Variants in SHANK1 observed in about 807,000 individuals in gnomAD.
SHANK1 encodes SH3 and multiple ankyrin repeat domains protein 1.
SHANK1 carries 35 observed loss-of-function variants against 165.6 expected under a neutral mutation model. That is an observed-to-expected ratio of 0.21 (90% CI 0.16 to 0.28). The LOEUF (loss-of-function observed/expected upper bound fraction) is 0.28. Ranked by LOEUF, SHANK1 falls within the 10% of genes least tolerant of loss-of-function variation. SHANK1 has a pLI of 1.00. For synonymous variants in SHANK1, 1,428 were observed against 1,384.8 expected (o/e 1.03, Z -0.69); for missense variants, 2,681 against 3,036.4 (o/e 0.88, Z 2.75).
Position 50,668,527 on chromosome 19 carries a change from C to T in SHANK1, c.3433G>A (p.Ala1145Thr), listed in dbSNP as rs753435291. 7.4e-7 allele frequency: 1 copy of T among 1,352,708 alleles called. No homozygotes were observed. Among genetic ancestry groups the T allele is most frequent in the Admixed American group, 3.1e-5 (1 of 32,382 alleles). 83.8% of individuals were successfully genotyped at this position (1,352,708 alleles called of 1,614,324 possible). A position where few individuals can be genotyped will look rare whatever the true frequency, so the allele number is the denominator to read the frequency against. Reference protein sequence around the residue: ...PASPQPPPAVAAPSEKNSIPI... With the variant: ...PASPQPPPAVTAPSEKNSIPI... ...ATGGAGTTCTTCTCCGAGGGCGCGG[C>T]CACGGCGGGCGGCGGCTGCGGGGAG... is the stretch of plus-strand genomic sequence containing the variant. The change falls in exon 23 of 24, where the codon GCC becomes ACC. Residue 1145 changes from alanine to threonine, a missense_variant. This residue lies in a region of SHANK1 where 1,713 missense variants were observed against 1,630.2 expected (regional missense o/e 1.05). Coordinates refer to ENST00000293441, the MANE Select transcript of SHANK1 (RefSeq NM_016148.5).
chr19:50,693,194 C>T (rs369357644), intron 15 of SHANK1, among the ~76,000 whole-genome samples: 1 of 150,894 alleles, frequency 6.6e-6, no homozygotes, highest in East Asian at 2.0e-4. Flanking sequence ...GTATTCTCCC[C>T]CTACTGCCCA....
chr19:50,671,180 CTTTTTTTTTTT>C (rs35076465), intron 22 of SHANK1, among the ~76,000 whole-genome samples: 1 of 76,722 alleles, frequency 1.3e-5, no homozygotes, highest in African/African-American at 5.7e-5. Context: ...TTTTTTCACT[CTTTTTTTTTTT>C]TTTTTTTTTT....
intron 21 of SHANK1, 71 bp from the exon 22 acceptor site, chr19:50,672,185 TGGCTTCACTATACG>T: frequency 8.1e-7 from 1 of 1,234,916 alleles, no homozygotes; most frequent in African/African-American, 1.5e-5. Context: ...GAAAGGCTTG[TGGCTTCACTATACG>T]GCTGCCCCCA....
chr19:50,677,683 C>T (rs569282300), intron 21 of SHANK1, among the ~76,000 whole-genome samples: 55 of 152,224 alleles, frequency 3.6e-4, no homozygotes, highest in Non-Finnish European at 6.5e-4. Context: ...ATACAAGACA[C>T]CCTGACAAGA....
chr19:50,680,680 G>C (rs1352654238), intron 21 of SHANK1, among the ~76,000 whole-genome samples: 1 of 140,124 alleles, frequency 7.1e-6, no homozygotes, highest in Non-Finnish European at 1.5e-5. Context: ...CCCCGAGACA[G>C]AATCGCACCC....
Position 50,718,704 on chromosome 19 carries a change from C to T in SHANK1, c.-44+702G>A, listed in dbSNP as rs1162310852. Among the ~76,000 whole-genome samples the T allele has an allele frequency of 2.6e-5, 3 of 113,574 alleles. No homozygotes were observed. The highest frequency in any genetic ancestry group is 6.6e-5 in the African/African-American group (2 of 30,508). The allele number at this position is 113,574 out of a possible 152,430, so 74.5% of individuals were successfully genotyped here. ...AGGGGGCGGCTGGCGTGGCCGAGAG[C>T]GGGGCCGGGGAGAATGAATGGAGGC... On this transcript the variant is annotated intron_variant, in intron 1 of 23. Transcript: ENST00000293441. The surrounding 1 kb of genome is among the most constrained non-coding windows in gnomAD (Gnocchi z 5.1).
rs1268354655 is a variant in SHANK1 at position 50,711,480 on chromosome 19, T to C, written c.968A>G (p.Gln323Arg). ...CTCCAGGTGCTGAGAGTGACCCCGCTGGCAGGCCTGGGCAGGACAGGGAGC... is the reference window on the plus strand; with the variant it reads ...CTCCAGGTGCTGAGAGTGACCCCGCCGGCAGGCCTGGGCAGGACAGGGAGC... ...NGWQEIHQACQRGHSQHLEHL... is the reference protein window; with the variant it reads ...NGWQEIHQACRRGHSQHLEHL... The change falls in exon 8 of 24, where the codon CAG (glutamine) becomes CGG (arginine). Residue 323 changes from glutamine to arginine, a missense_variant. By Grantham distance (43) the Gln-to-Arg change is conservative (BLOSUM62 1). Around this residue, in one of 10 missense-constraint regions of SHANK1, gnomAD observed 189 missense variants for 440.9 expected, o/e 0.43. Coordinates refer to ENST00000293441, the MANE Select transcript of SHANK1 (RefSeq NM_016148.5). 3 of 1,573,058 alleles carry C rather than the reference T, an allele frequency of 1.9e-6. No individual in the cohort carries two copies. The highest frequency in any genetic ancestry group is 2.6e-6 in the Non-Finnish European group (3 of 1,159,682).
intron 15 of SHANK1, among the ~76,000 whole-genome samples, chr19:50,696,680 G>C (rs957620365): frequency 6.6e-6 from 1 of 151,738 alleles, no homozygotes; most frequent in South Asian, 2.1e-4. Context: ...TCAGACAGAC[G>C]CACATGCATG....
chr19:50,704,289 C>A, intron 9 of SHANK1, 103 bp from the exon 10 acceptor site: 1 of 1,340,942 alleles, frequency 7.5e-7, no homozygotes, highest in Non-Finnish European at 1.1e-6. Context: ...CCTTCCACTC[C>A]GACAATGCCG....
At chr19:50,676,025 C>G (rs1208584697) in intron 21 of SHANK1, among the ~76,000 whole-genome samples, 1 of 151,302 alleles carries the variant, frequency 6.6e-6, no homozygotes, top group African/African-American at 2.4e-5. Context: ...AAGGGCTGGC[C>G]AGGCACAGTG....
chr19:50,667,708 G>A lies in SHANK1; in HGVS notation c.4252C>T (p.Arg1418Trp), dbSNP rs1457565686. 6.0e-6 allele frequency: 8 copies of A among 1,340,148 alleles called. No homozygotes were observed. The African/African-American group carries it at 9.3e-5, about 16-fold the overall frequency. 83.0% of individuals were successfully genotyped at this position (1,340,148 alleles called of 1,614,324 possible). ...WGASPPDPAR[R>W]ELGYRAGLGS... ...AGCCCGGCCCTGTACCCCAGCTCCCGGCGCGCAGGGTCCGGCGGGGAGGCC... is the reference window on the plus strand; with the variant it reads ...AGCCCGGCCCTGTACCCCAGCTCCCAGCGCGCAGGGTCCGGCGGGGAGGCC... Residue 1418 changes from arginine (R) to tryptophan (W), a missense_variant, in exon 23 of 24, where the codon CGG (arginine) becomes TGG (tryptophan). Around this residue, in one of 10 missense-constraint regions of SHANK1, gnomAD observed 1,713 missense variants for 1,630.2 expected, o/e 1.05. Coordinates refer to ENST00000293441, the MANE Select transcript of SHANK1 (RefSeq NM_016148.5). This position sits in a 1 kb window ranked among gnomAD's most constrained non-coding sequence, Gnocchi z 5.7.
At chr19:50,715,544 G>A (rs554027376) in intron 4 of SHANK1, 115 bp downstream of exon 4, 17 of 932,160 alleles carry the variant, frequency 1.8e-5, no homozygotes, top group African/African-American at 1.6e-4. Context: ...CAGAGGGATC[G>A]CTGGCTTGGG....
At chr19:50,673,231 C>A (rs1484526643) in intron 21 of SHANK1, among the ~76,000 whole-genome samples, 1 of 152,082 alleles carries the variant, frequency 6.6e-6, no homozygotes. Context: ...GTCTCCCACA[C>A]TCCCTGAAGG....
At chr19:50,677,474 C>T (rs1394180907) in intron 21 of SHANK1, among the ~76,000 whole-genome samples, 3 of 152,090 alleles carry the variant, frequency 2.0e-5, no homozygotes, top group Non-Finnish European at 4.4e-5. Flanking sequence ...TTTTCTTGGT[C>T]AAGCCACCAT....
intron 21 of SHANK1, among the ~76,000 whole-genome samples, chr19:50,683,168 T>C (rs1986228137): frequency 6.6e-6 from 1 of 152,078 alleles, no homozygotes; most frequent in Non-Finnish European, 1.5e-5. Flanking sequence ...TACAGGGCAG[T>C]GGTTCTCAAT....
At chr19:50,700,998 C>T (rs944310014) in intron 12 of SHANK1, among the ~76,000 whole-genome samples, 5 of 152,092 alleles carry the variant, frequency 3.3e-5, no homozygotes, top group African/African-American at 7.2e-5. Flanking sequence ...ACCTCACCTA[C>T]AGGAACTCAG....
Position 50,664,033 on chromosome 19 carries a change from A to G in SHANK1, c.5769-1351T>C, listed in dbSNP as rs531702132. The stretch of plus-strand genomic sequence containing the variant: ...CAGCTCACTGCAGCCTCAACCTTCC[A>G]GGCTCAAGTGATCCACCCACCTCAG... On this transcript the variant is annotated intron_variant, in intron 23 of 23. Transcript: ENST00000293441. 8.3e-5 allele frequency among the ~76,000 whole-genome samples: 12 copies of G among 143,904 alleles called. 1 individual carries two copies. In the South Asian group the frequency reaches 2.6e-3, roughly 31 times the overall value. 94.4% of individuals were successfully genotyped at this position (143,904 alleles called of 152,430 possible).
chr19:50,667,769 G>A lies in SHANK1; in HGVS notation c.4191C>T (p.Pro1397=), dbSNP rs1350790370. 1.1e-5 allele frequency: 14 copies of A among 1,306,764 alleles called. No individual in the cohort carries two copies. Among genetic ancestry groups the A allele is most frequent in the South Asian group, 2.4e-5 (1 of 42,186 alleles). 80.9% of individuals were successfully genotyped at this position (1,306,764 alleles called of 1,614,324 possible). The part of the protein sequence containing the change: ...APPPTPHHHS[P]HAHHEPVLRL... ...GCAGCACTGGCTCGTGGTGGGCGTG[G>A]GGCGAGTGGTGGTGCGGGGTGGGCG... Residue 1397 remains proline, a synonymous_variant, in exon 23 of 24, where the codon CCC becomes CCT. Transcript: ENST00000293441. This position sits in a 1 kb window ranked among gnomAD's most constrained non-coding sequence, Gnocchi z 5.7.
rs1272198042 is a variant in SHANK1, at chr19:50,686,958, C to T, written c.2390-146G>A. On this transcript the variant is annotated intron_variant, in intron 19 of 23. Coordinates refer to ENST00000293441, the MANE Select transcript of SHANK1 (RefSeq NM_016148.5). This position sits in a 1 kb window ranked among gnomAD's most constrained non-coding sequence, Gnocchi z 5.7. ...GTGAGGGGCCGGGGTCAGGGAGGGGCGAGTCCGCCGGCGGGGTCGGGAGAC... is the reference window on the plus strand; with the variant it reads ...GTGAGGGGCCGGGGTCAGGGAGGGGTGAGTCCGCCGGCGGGGTCGGGAGAC... 4.4e-6 allele frequency: 6 copies of T among 1,354,186 alleles called. No homozygotes were observed. Among genetic ancestry groups the T allele is most frequent in the Non-Finnish European group, 4.9e-6 (5 of 1,027,266 alleles). 83.9% of individuals were successfully genotyped at this position (1,354,186 alleles called of 1,614,324 possible).
Sources: gnomAD v4.1 joint callset for allele counts (sites outside exome capture counted in the v4.1 genomes callset) on GRCh38, gnomAD v4.1.1 for gene constraint, gnomAD v4.1.1 regional missense constraint, Gnocchi (gnomAD v3.1) non-coding constraint, MANE v1.5 for transcripts, NCBI Gene and HGNC (gene_info 2026-07-23, HGNC 2026-07-21) for gene names.